The following MDGA2 variants were observed in gnomAD, a reference collection of about 807,000 sequenced individuals.
The protein encoded by MDGA2 is MAM domain-containing glycosylphosphatidylinositol anchor protein 2.
Under a neutral mutation model 117.8 loss-of-function variants are expected in MDGA2, and 40 were observed. That is an observed-to-expected ratio of 0.34 (90% CI 0.26 to 0.44). The LOEUF is 0.44. Among genes scored for constraint, MDGA2 ranks in the 20% least tolerant of loss-of-function variants. The pLI, the probability that MDGA2 is intolerant of heterozygous loss-of-function variation, is 1.00. For synonymous variants in MDGA2, 452 were observed against 439.0 expected (o/e 1.03, Z -0.37); for missense variants, 1,123 against 1,250.6 (o/e 0.90, Z 1.54).
chr14:47,052,393 T>C (rs1390868444), intron 7 of MDGA2, among the ~76,000 whole-genome samples: 1 of 151,878 alleles, frequency 6.6e-6, no homozygotes, highest in African/African-American at 2.4e-5. Context: ...TTAAGCACTG[T>C]TAAATAATAA....
At chr14:47,544,544 C>T (rs1474268914) in intron 1 of MDGA2, among the ~76,000 whole-genome samples, 1 of 152,076 alleles carries the variant, frequency 6.6e-6, no homozygotes, top group East Asian at 1.9e-4. Flanking sequence ...TAGTGCTATG[C>T]TGTTTGTTTT....
chr14:47,514,428 G>A (rs1894709844), intron 1 of MDGA2, among the ~76,000 whole-genome samples: 1 of 152,060 alleles, frequency 6.6e-6, no homozygotes, highest in Admixed American at 6.6e-5. Flanking sequence ...TGAGTTTTCT[G>A]TAGTAATAAT....
intron 1 of MDGA2, among the ~76,000 whole-genome samples, chr14:47,550,559 T>C (rs1232826996): frequency 3.3e-5 from 5 of 152,040 alleles, no homozygotes; most frequent in African/African-American, 1.2e-4. Flanking sequence ...ATCAGTAGAG[T>C]AGATGATTTG....
At chr14:47,601,762 C>T (rs1245476748) in intron 1 of MDGA2, among the ~76,000 whole-genome samples, 17 of 152,108 alleles carry the variant, frequency 1.1e-4, no homozygotes, top group Non-Finnish European at 2.5e-4. Context: ...GTTTTAGCTA[C>T]ATCAGTGAAT....
At chr14:47,193,383 A>G (rs1045031855) in intron 3 of MDGA2, among the ~76,000 whole-genome samples, 7 of 152,196 alleles carry the variant, frequency 4.6e-5, no homozygotes. Context: ...TCTCATAGAT[A>G]GAGTAGATTA....
intron 1 of MDGA2, among the ~76,000 whole-genome samples, chr14:47,413,372 G>A (rs183930435): frequency 6.6e-6 from 1 of 152,258 alleles, no homozygotes; most frequent in Admixed American, 6.5e-5. Flanking sequence ...TGCATTAGGT[G>A]TTTGAGTTTC....
chr14:47,000,409 TTATA>T (rs1169849366), intron 8 of MDGA2, among the ~76,000 whole-genome samples: 1 of 81,954 alleles, frequency 1.2e-5, no homozygotes, highest in Non-Finnish European at 2.8e-5. Flanking sequence ...AAATATATAT[TTATA>T]TATATACACA....
rs1880564034 is a variant in MDGA2, at chr14:47,104,973, ATG to A, written c.926-7852_926-7851del. On this transcript the variant is annotated intron_variant, in intron 5 of 16. Coordinates refer to ENST00000399232, the MANE Select transcript of MDGA2 (RefSeq NM_001113498.3). ...ATTTTCTGGTGGAGACAAAAGAGAC[ATG>A]TTTTATCTGTGAACCCAAAACTCCG... 7.2e-5 allele frequency among the ~76,000 whole-genome samples: 11 copies of A among 152,218 alleles called. No homozygotes were observed. The South Asian group carries it at 2.3e-3, about 32-fold the overall frequency.
intron 1 of MDGA2, among the ~76,000 whole-genome samples, chr14:47,380,311 C>T (rs113057090): frequency 1.3e-5 from 2 of 152,028 alleles, no homozygotes; most frequent in Admixed American, 6.6e-5. Context: ...ATTAAAAGAA[C>T]TACAAAAGCA....
At chr14:47,359,546 G>T (rs1306734501) in intron 1 of MDGA2, among the ~76,000 whole-genome samples, 1 of 151,960 alleles carries the variant, frequency 6.6e-6, no homozygotes, top group African/African-American at 2.4e-5. Context: ...AATGAGGAAT[G>T]GATAGTTTCT....
At chr14:47,417,175 T>A (rs1179361265) in intron 1 of MDGA2, among the ~76,000 whole-genome samples, 2 of 152,192 alleles carry the variant, frequency 1.3e-5, no homozygotes, top group African/African-American at 2.4e-5. Flanking sequence ...TTTAAACTTG[T>A]TTCCCTTTTG....
intron 1 of MDGA2, among the ~76,000 whole-genome samples, chr14:47,529,818 CTT>C (rs1051094225): frequency 1.9e-4 from 29 of 152,176 alleles, no homozygotes; most frequent in Non-Finnish European, 8.8e-5. Context: ...TTCCTGAAGA[CTT>C]TTTAGAAGTT....
intron 1 of MDGA2, among the ~76,000 whole-genome samples, chr14:47,568,412 T>C (rs1177441153): frequency 6.6e-6 from 1 of 152,238 alleles, no homozygotes; most frequent in Non-Finnish European, 1.5e-5. Flanking sequence ...TATGACTGCA[T>C]GGACTACGGA....
chr14:47,532,303 TGGTTTTTATAACCTTGACA>T (rs1268900423), intron 1 of MDGA2, among the ~76,000 whole-genome samples: 1 of 152,238 alleles, frequency 6.6e-6, no homozygotes, highest in Admixed American at 6.5e-5. Context: ...TCTCTTTCTT[TGGTTTTTATAACCTTGACA>T]GGTCCTGACT....
intron 1 of MDGA2, among the ~76,000 whole-genome samples, chr14:47,554,701 T>C (rs1180112908): frequency 6.6e-6 from 1 of 152,204 alleles, no homozygotes; most frequent in Non-Finnish European, 1.5e-5. Flanking sequence ...GAGACTGGAC[T>C]CTTTCTATTC....
intron 2 of MDGA2, among the ~76,000 whole-genome samples, chr14:47,290,461 GTTATT>G (rs1421970352): frequency 5.3e-5 from 8 of 152,074 alleles, no homozygotes; most frequent in Non-Finnish European, 1.0e-4. Context: ...CCCAGTTTAT[GTTATT>G]TTGTTATAGC....
At chr14:47,640,825 TATC>T (rs2138245118) in intron 1 of MDGA2, among the ~76,000 whole-genome samples, 1 of 152,224 alleles carries the variant, frequency 6.6e-6, no homozygotes, top group African/African-American at 2.4e-5. Context: ...TTCTTTATGT[TATC>T]ATCAAGCCCT....
chr14:47,321,827 A>G (rs1235622986), intron 1 of MDGA2, among the ~76,000 whole-genome samples: 1 of 152,202 alleles, frequency 6.6e-6, no homozygotes, highest in Non-Finnish European at 1.5e-5. Flanking sequence ...CTTTACTTCC[A>G]TCTTCTCTCT....
chr14:46,955,191 T>G (rs1471106682), intron 9 of MDGA2, among the ~76,000 whole-genome samples: 2 of 152,014 alleles, frequency 1.3e-5, no homozygotes, highest in Non-Finnish European at 2.9e-5. Flanking sequence ...GAACTATTTA[T>G]GTCTACATAT....
Sources: allele counts gnomAD v4.1 joint callset (sites outside exome capture counted in the v4.1 genomes callset), GRCh38; gene constraint gnomAD v4.1.1; transcripts MANE v1.5; gene names NCBI Gene and HGNC (gene_info 2026-07-23, HGNC 2026-07-21).